Variants in RNFT2 observed in about 807,000 individuals in gnomAD.
The protein encoded by RNFT2 is E3 ubiquitin-protein ligase RNFT2.
RNFT2 carries 36 observed loss-of-function variants against 53.0 expected under a neutral mutation model. That is an observed-to-expected ratio of 0.68 (90% confidence interval 0.52 to 0.90). The LOEUF (loss-of-function observed/expected upper bound fraction) is 0.90, where lower values mean the gene tolerates loss of function less well. Ranked by LOEUF, RNFT2 falls within the 40% of genes least tolerant of loss-of-function variation. The pLI is 0.00. For synonymous variants in RNFT2, 260 were observed against 253.2 expected (o/e 1.03, Z -0.26); for missense variants, 514 against 585.6 (o/e 0.88, Z 1.26).
intron 7 of RNFT2, chr12:116,801,358 G>A (rs1367018737): frequency 6.6e-6 from 1 of 152,192 alleles, no homozygotes; most frequent in Non-Finnish European, 1.5e-5. Flanking sequence ...TCTGTTGCCA[G>A]GAAGATTCTA....
intron 7 of RNFT2, among the ~76,000 whole-genome samples, chr12:116,828,707 A>T (rs536804123): frequency 6.6e-6 from 1 of 152,164 alleles, no homozygotes; most frequent in Admixed American, 6.6e-5. Flanking sequence ...GAGGAAAGGG[A>T]AGGAAGGCAG....
At chr12:116,837,564 G>A (rs1877045096) in intron 10 of RNFT2, among the ~76,000 whole-genome samples, 1 of 152,084 alleles carries the variant, frequency 6.6e-6, no homozygotes, top group Non-Finnish European at 1.5e-5. Context: ...TTGGAAGGGG[G>A]AGGTTGTTTT....
At chr12:116,839,305 A>T (rs1877128510) in intron 10 of RNFT2, among the ~76,000 whole-genome samples, 1 of 151,912 alleles carries the variant, frequency 6.6e-6, no homozygotes, top group African/African-American at 2.4e-5. Flanking sequence ...GGATGGATGG[A>T]TGGATGGAGG....
chr12:116,818,976 A>C (rs1875843958), intron 7 of RNFT2, among the ~76,000 whole-genome samples: 1 of 152,214 alleles, frequency 6.6e-6, no homozygotes, highest in Non-Finnish European at 1.5e-5. Context: ...CAAAGGGCTC[A>C]TTCACATCAT....
intron 7 of RNFT2, among the ~76,000 whole-genome samples, chr12:116,796,721 C>T (rs1224245943): frequency 6.6e-6 from 1 of 152,192 alleles, no homozygotes; most frequent in Admixed American, 6.5e-5. Flanking sequence ...CTCTCCCCGC[C>T]TTCCCTTCTC....
intron 7 of RNFT2, among the ~76,000 whole-genome samples, chr12:116,789,960 G>GTGGGTGGATGGATGGA (rs1555261850): frequency 6.8e-6 from 1 of 146,172 alleles, no homozygotes; most frequent in Non-Finnish European, 1.5e-5. Context: ...GGATGGGTGG[G>GTGGGTGGATGGATGGA]TGGATGGATG....
intron 7 of RNFT2, among the ~76,000 whole-genome samples, chr12:116,781,564 T>G (rs1156454781): frequency 1.3e-5 from 2 of 151,706 alleles, no homozygotes; most frequent in Non-Finnish European, 3.0e-5. Context: ...GAGTCAGTGA[T>G]GGCAGGTTGA....
chr12:116,761,574 C>T (rs1023396092), intron 5 of RNFT2, among the ~76,000 whole-genome samples: 1 of 152,204 alleles, frequency 6.6e-6, no homozygotes, highest in Non-Finnish European at 1.5e-5. Flanking sequence ...ACTGCGTGCC[C>T]GGCACAGTAC....
chr12:116,794,970 G>T (rs1370531487), intron 7 of RNFT2, among the ~76,000 whole-genome samples: 1 of 151,950 alleles, frequency 6.6e-6, no homozygotes, highest in African/African-American at 2.4e-5. Flanking sequence ...AATGAAACTT[G>T]GTTTTATATT....
chr12:116,818,884 C>T (rs1359777178), intron 7 of RNFT2, among the ~76,000 whole-genome samples: 1 of 152,204 alleles, frequency 6.6e-6, no homozygotes, highest in Non-Finnish European at 1.5e-5. Flanking sequence ...GGGACCGTTA[C>T]CACTGTTTAC....
rs201613636 is a variant in RNFT2 at position 116,853,074 on chromosome 12, G to T, written c.*3626G>T. 51 of 419,256 alleles carry T rather than the reference G, an allele frequency of 1.2e-4. No homozygotes were observed. In the East Asian group the frequency reaches 1.7e-3, roughly 14 times the overall value. 26.0% of individuals were successfully genotyped at this position (419,256 alleles called of 1,614,324 possible). ...CCTCTGGGGGAACGTCCCATCTGAG[G>T]TTTTCTTCTCGGTGGGGGGATTTAA... is the stretch of plus-strand genomic sequence containing the variant. On this transcript the variant is annotated 3_prime_UTR_variant, in exon 11 of 11. Transcript: ENST00000257575.
intron 5 of RNFT2, among the ~76,000 whole-genome samples, chr12:116,761,174 A>C (rs989342032): frequency 6.6e-6 from 1 of 152,044 alleles, no homozygotes; most frequent in African/African-American, 2.4e-5. Context: ...TTTGAGACGG[A>C]ATCTTGCTCT....
chr12:116,738,896 G>A (rs940133920), intron 1 of RNFT2, among the ~76,000 whole-genome samples: 1 of 152,168 alleles, frequency 6.6e-6, no homozygotes, highest in Non-Finnish European at 1.5e-5. Context: ...GGAGGGAGGG[G>A]CGAGAGGAGG....
At position 116,804,708 on chromosome 12, in the gene RNFT2, C is replaced by T. The variant is rs1458805376; in HGVS notation, c.882+25360C>T. On this transcript the variant is annotated intron_variant, in intron 7 of 10. Transcript: ENST00000257575. ...GAGGCAGGCTGGGTGCGGTGGCTCA[C>T]GCCTGTAATCCCAGCATTTTGGGAG... 2.6e-5 allele frequency among the ~76,000 whole-genome samples: 4 copies of T among 152,168 alleles called. No homozygotes were observed. In the East Asian group the frequency reaches 5.8e-4, roughly 22 times the overall value.
rs2137233106 is a variant in RNFT2 at position 116,851,531 on chromosome 12, G to T, written c.*2083G>T. 1.9e-6 allele frequency: 1 copy of T among 533,742 alleles called. No individual in the cohort carries two copies. The highest frequency in any genetic ancestry group is 5.0e-4 in the Middle Eastern group (1 of 1,984). The allele number at this position is 533,742 out of a possible 1,614,324, so 33.1% of individuals were successfully genotyped here. On this transcript the variant is annotated 3_prime_UTR_variant, in exon 11 of 11. Transcript: ENST00000257575. ...AAGCAGGCGGGTCACCTGAGGTCAA[G>T]AGTTCAAGACTAGCCTGGCCAACAT...
chr12:116,739,331 ATT>A (rs545838850), intron 1 of RNFT2, among the ~76,000 whole-genome samples: 149 of 152,320 alleles, frequency 9.8e-4, no homozygotes, highest in African/African-American at 3.4e-3. Context: ...TAGATGTTTT[ATT>A]CATTGAGTAA....
Position 116,853,473 on chromosome 12 carries a change from A to G in RNFT2, c.*4025A>G, listed in dbSNP as rs1157034691. The G allele has an allele frequency of 3.0e-6, 1 of 334,450 alleles. No homozygotes were observed. Among genetic ancestry groups the G allele is most frequent in the African/African-American group, 2.1e-5 (1 of 47,352 alleles). The allele number at this position is 334,450 out of a possible 1,614,324, so 20.7% of individuals were successfully genotyped here. ...GAATGATGTGCAGAGTGTTAGGAAG[A>G]CATCCGGGCTGCTGAGACTCGGGAT... On this transcript the variant is annotated 3_prime_UTR_variant, in exon 11 of 11. Coordinates refer to ENST00000257575, the MANE Select transcript of RNFT2 (RefSeq NM_001382266.1).
In RNFT2 at chr12:116,836,285, G is replaced by A. The variant is rs752533728; in HGVS notation, c.1200+3G>A. 9 of 1,566,258 alleles carry A rather than the reference G, an allele frequency of 5.7e-6. No homozygotes were observed. In the South Asian group the frequency reaches 9.4e-5, roughly 16 times the overall value. The stretch of plus-strand genomic sequence containing the variant: ...AGCCTCTGATTCTCCTGTGCCAGGT[G>A]AGCAGGGCTCAGGCGGGACCATTGG... On this transcript the variant is annotated splice_donor_region_variant and intron_variant, in intron 10 of 10. Transcript: ENST00000257575.
chr12:116,833,648 G>A, intron 7 of RNFT2, 144 bp from the exon 8 acceptor site: 2 of 779,344 alleles, frequency 2.6e-6, no homozygotes, highest in Non-Finnish European at 4.1e-6. Flanking sequence ...GCCCCATTAG[G>A]AGCTGGCCTG....
Sources: allele counts gnomAD v4.1 joint callset (sites outside exome capture counted in the v4.1 genomes callset), GRCh38; gene constraint gnomAD v4.1.1; transcripts MANE v1.5; gene names NCBI Gene and HGNC (gene_info 2026-07-23, HGNC 2026-07-21).